Variants in FAM13A observed in about 807,000 individuals in gnomAD.
The protein encoded by FAM13A is family with sequence similarity 13 member A.
FAM13A carries 76 observed loss-of-function variants against 129.6 expected under a neutral mutation model. The ratio of observed to expected loss-of-function variants is 0.59; its 90% CI spans 0.49 to 0.71. The LOEUF (loss-of-function observed/expected upper bound fraction) is 0.71, where lower values mean the gene tolerates loss of function less well. FAM13A is among the 30% of genes least tolerant of loss of function. The probability of loss-of-function intolerance (pLI) is 0.00; values close to 1 mark genes in which losing one functional copy is unlikely to be tolerated. For synonymous variants in FAM13A, 443 were observed against 449.9 expected (o/e 0.98, Z 0.20); for missense variants, 1,108 against 1,249.3 (o/e 0.89, Z 1.70).
intron 4 of FAM13A, among the ~76,000 whole-genome samples, chr4:88,962,822 A>G (rs182074539): frequency 9.9e-4 from 151 of 152,342 alleles, no homozygotes; most frequent in Non-Finnish European, 1.6e-3. Context: ...AGAATTAGGT[A>G]AATTCCAAAA....
intron 4 of FAM13A, 58 bp from the exon 5 acceptor site, chr4:88,938,299 G>A (rs1754166605): frequency 7.4e-7 from 1 of 1,349,938 alleles, no homozygotes. Flanking sequence ...GTGCCTGCTA[G>A]CTGACTCAGA....
At chr4:88,930,486 G>A (rs1309616205) in intron 5 of FAM13A, among the ~76,000 whole-genome samples, 1 of 152,112 alleles carries the variant, frequency 6.6e-6, no homozygotes, top group Non-Finnish European at 1.5e-5. Context: ...TTCCTAGGTG[G>A]CTTAGAGTAG....
chr4:89,048,881 G>A (rs1440061692), intron 1 of FAM13A, among the ~76,000 whole-genome samples: 1 of 152,130 alleles, frequency 6.6e-6, no homozygotes, highest in Admixed American at 6.5e-5. Context: ...GGAAAAAGGT[G>A]GAAAGCTATT....
At chr4:88,839,537 G>A (rs1735438587) in intron 7 of FAM13A, among the ~76,000 whole-genome samples, 1 of 150,056 alleles carries the variant, frequency 6.7e-6, no homozygotes, top group Non-Finnish European at 1.5e-5. Flanking sequence ...TAGATTGAAT[G>A]TGAGATGCTT....
At chr4:88,989,331 G>C (rs1435250670) in intron 4 of FAM13A, among the ~76,000 whole-genome samples, 1 of 152,182 alleles carries the variant, frequency 6.6e-6, no homozygotes, top group Admixed American at 6.5e-5. Flanking sequence ...GCCAGGCACA[G>C]TGGCTCATGC....
intron 6 of FAM13A, among the ~76,000 whole-genome samples, chr4:88,889,503 T>C (rs1304527878): frequency 1.3e-5 from 2 of 152,142 alleles, no homozygotes; most frequent in Non-Finnish European, 2.9e-5. Flanking sequence ...TGGAAAAATA[T>C]AGGTGGCAAA....
chr4:88,879,512 T>A (rs951954205), intron 6 of FAM13A, among the ~76,000 whole-genome samples: 1 of 152,060 alleles, frequency 6.6e-6, no homozygotes, highest in Non-Finnish European at 1.5e-5. Flanking sequence ...AAGGAAAATA[T>A]GGTAGAATGT....
chr4:88,956,876 G>A (rs1030579048), intron 4 of FAM13A, among the ~76,000 whole-genome samples: 19 of 152,076 alleles, frequency 1.2e-4, no homozygotes, highest in African/African-American at 3.9e-4. Context: ...GATTGTCCCC[G>A]CCCAAATTTC....
intron 7 of FAM13A, among the ~76,000 whole-genome samples, chr4:88,821,884 A>G (rs1227261994): frequency 6.6e-6 from 1 of 152,242 alleles, no homozygotes; most frequent in East Asian, 1.9e-4. Context: ...TGAAGGAAAA[A>G]TGACTATACT....
At chr4:88,764,204 T>A (rs915327749) in intron 13 of FAM13A, among the ~76,000 whole-genome samples, 34 of 152,070 alleles carry the variant, frequency 2.2e-4, no homozygotes, top group East Asian at 3.9e-4. Flanking sequence ...TCTTTTTTTT[T>A]AAAATTATGA....
Position 88,876,422 on chromosome 4 carries a change from A to G in FAM13A, c.844-25239T>C, listed in dbSNP as rs1742486851. On this transcript the variant is annotated intron_variant, in intron 6 of 23. Coordinates refer to ENST00000264344, the MANE Select transcript of FAM13A (RefSeq NM_014883.4). The stretch of plus-strand genomic sequence containing the variant: ...AAGTACACTATCACCACTCTGTAGT[A>G]TCAGTGAAATGGAGGAATAAAAAGC... 2.0e-5 allele frequency among the ~76,000 whole-genome samples: 3 copies of G among 152,308 alleles called. No homozygotes were observed. The South Asian group carries it at 6.2e-4, about 32-fold the overall frequency.
chr4:88,969,520 T>C (rs1759796010), intron 4 of FAM13A, among the ~76,000 whole-genome samples: 1 of 152,186 alleles, frequency 6.6e-6, no homozygotes, highest in Admixed American at 6.5e-5. Flanking sequence ...GGAAGAAACA[T>C]GTGAACAATG....
intron 13 of FAM13A, among the ~76,000 whole-genome samples, chr4:88,764,964 T>G (rs756728332): frequency 6.6e-6 from 1 of 152,208 alleles, no homozygotes; most frequent in Non-Finnish European, 1.5e-5. Flanking sequence ...ATTAGTTGCA[T>G]AATTAAAATA....
chr4:88,972,538 T>C (rs1290519117), intron 4 of FAM13A, among the ~76,000 whole-genome samples: 3 of 151,980 alleles, frequency 2.0e-5, no homozygotes, highest in Admixed American at 1.3e-4. Flanking sequence ...TGACCTCAAG[T>C]GACCCACCTA....
chr4:88,839,384 C>T (rs1735408392), intron 7 of FAM13A, among the ~76,000 whole-genome samples: 1 of 152,164 alleles, frequency 6.6e-6, no homozygotes, highest in Non-Finnish European at 1.5e-5. Context: ...AACAAGTACT[C>T]TTTAAGGCAA....
In FAM13A at chr4:88,838,827, T is replaced by A. The variant is rs1161631943; in HGVS notation, c.1007+12193A>T. 2.0e-5 allele frequency among the ~76,000 whole-genome samples: 3 copies of A among 152,254 alleles called. No individual in the cohort carries two copies. In the East Asian group the frequency reaches 5.8e-4, roughly 29 times the overall value. On this transcript the variant is annotated intron_variant, in intron 7 of 23. Transcript: ENST00000264344. Reference sequence around the variant, plus strand: ...TACTTGCACTTTTACCTGCAGCTAGTGTTTATTTCCTTCTATGCTCATAAA... The same window carrying A: ...TACTTGCACTTTTACCTGCAGCTAGAGTTTATTTCCTTCTATGCTCATAAA...
chr4:88,735,948 CTTA>C (rs757862152), intron 21 of FAM13A, among the ~76,000 whole-genome samples: 32 of 151,898 alleles, frequency 2.1e-4, no homozygotes, highest in Non-Finnish European at 3.2e-4. Flanking sequence ...TGGTGAAACC[CTTA>C]TTAAGTGTCT....
chr4:88,739,201 C>G (rs1194002977), intron 19 of FAM13A, 76 bp from the exon 20 acceptor site: 1 of 942,496 alleles, frequency 1.1e-6, no homozygotes, highest in East Asian at 2.4e-5. Flanking sequence ...TGCTCTGGGC[C>G]TTTGTAATTC....
chr4:88,888,933 C>A (rs1358025640), intron 6 of FAM13A, among the ~76,000 whole-genome samples: 2 of 134,496 alleles, frequency 1.5e-5, no homozygotes, highest in Non-Finnish European at 3.2e-5. Context: ...GAGACTCCGT[C>A]TCCAAAAAAA....
Sources: gnomAD v4.1 joint callset for allele counts (sites outside exome capture counted in the v4.1 genomes callset) on GRCh38, gnomAD v4.1.1 for gene constraint, MANE v1.5 for transcripts, NCBI Gene and HGNC (gene_info 2026-07-23, HGNC 2026-07-21) for gene names.